KLF12: variants seen among roughly 807,000 people sequenced by gnomAD.
The protein encoded by KLF12 is Krueppel-like factor 12.
In KLF12, 9 loss-of-function variants were observed where a neutral mutation model predicts 37.8. That is an observed-to-expected ratio of 0.24 (90% confidence interval 0.14 to 0.42). KLF12 has a LOEUF of 0.42. KLF12 is among the 10% of genes least tolerant of loss of function. The pLI is 1.00. For missense variants in KLF12, 411 were observed against 516.0 expected, an observed-to-expected ratio of 0.80 and a Z score of 1.97; for synonymous variants, 208 against 202.1, an observed-to-expected ratio of 1.03 and a Z score of -0.25.
At chr13:74,223,056 C>G in the KLF12 span, among the ~76,000 whole-genome samples, 1 of 152,196 alleles carries the variant, frequency 6.6e-6, no homozygotes, top group African/African-American at 2.4e-5. Flanking sequence ...AAAATAAGCA[C>G]ATAATACCCT....
chr13:74,235,932 TA>T, the KLF12 span, among the ~76,000 whole-genome samples: 26 of 106,114 alleles, frequency 2.5e-4, no homozygotes, highest in African/African-American at 6.1e-4. Context: ...TTTTTTAGTT[TA>T]TTTTTTTTAT....
At chr13:74,079,198 C>A (rs1021626435) in intron 1 of KLF12, among the ~76,000 whole-genome samples, 1 of 128,820 alleles carries the variant, frequency 7.8e-6, no homozygotes, top group Non-Finnish European at 1.7e-5. Context: ...TTCGTAGAGA[C>A]ACAAAATAGA....
chr13:74,250,902 A>G, the KLF12 span, among the ~76,000 whole-genome samples: 1 of 152,238 alleles, frequency 6.6e-6, no homozygotes, highest in Non-Finnish European at 1.5e-5. Flanking sequence ...ATAATTAATG[A>G]AAAGTGTTGC....
the KLF12 span, among the ~76,000 whole-genome samples, chr13:74,209,557 C>CAG: frequency 2.8e-5 from 4 of 143,710 alleles, no homozygotes; most frequent in Non-Finnish European, 6.2e-5. Flanking sequence ...CACACACACA[C>CAG]AGACAATTAA....
chr13:73,950,850 A>T (rs985847707), intron 2 of KLF12, among the ~76,000 whole-genome samples: 1 of 152,224 alleles, frequency 6.6e-6, no homozygotes, highest in African/African-American at 2.4e-5. Context: ...AGCCAGAAAC[A>T]AGATCCTTTC....
intron 3 of KLF12, among the ~76,000 whole-genome samples, chr13:73,935,872 C>G (rs886386154): frequency 1.3e-5 from 2 of 152,146 alleles, no homozygotes; most frequent in Non-Finnish European, 2.9e-5. Flanking sequence ...AAGTGATCCA[C>G]CTCCCTTGGG....
At chr13:73,960,096 G>A (rs1397692216) in intron 2 of KLF12, among the ~76,000 whole-genome samples, 3 of 151,948 alleles carry the variant, frequency 2.0e-5, no homozygotes, top group South Asian at 2.1e-4. Flanking sequence ...CTGAACAATC[G>A]ACCTGCTTCC....
chr13:74,159,063 C>A, the KLF12 span, among the ~76,000 whole-genome samples: 1 of 152,178 alleles, frequency 6.6e-6, no homozygotes, highest in Admixed American at 6.5e-5. Context: ...CAGGCATGAT[C>A]TTCCTACACC....
intron 3 of KLF12, among the ~76,000 whole-genome samples, chr13:73,859,297 TA>T (rs1885789292): frequency 6.6e-6 from 1 of 152,150 alleles, no homozygotes. Flanking sequence ...TTTTCCTCTC[TA>T]GTTTTACAAG....
intron 3 of KLF12, among the ~76,000 whole-genome samples, chr13:73,935,454 G>C (rs1039176805): frequency 6.6e-6 from 1 of 152,016 alleles, no homozygotes; most frequent in Admixed American, 6.6e-5. Context: ...TCCAATGTTA[G>C]AGGTGGGCCT....
chr13:74,157,325 A>C, the KLF12 span, among the ~76,000 whole-genome samples: 1 of 152,224 alleles, frequency 6.6e-6, no homozygotes, highest in African/African-American at 2.4e-5. Flanking sequence ...TAAATGGTCA[A>C]ACACTGGTTT....
the KLF12 span, among the ~76,000 whole-genome samples, chr13:74,224,040 T>C: frequency 0.032 from 4,944 of 152,282 alleles, 119 homozygotes; most frequent in Middle Eastern, 0.071. Flanking sequence ...TCCTATTGTG[T>C]ATTTCCCCTA....
At chr13:73,979,689 T>A (rs1341702076) in intron 2 of KLF12, among the ~76,000 whole-genome samples, 2 of 152,068 alleles carry the variant, frequency 1.3e-5, no homozygotes, top group Non-Finnish European at 2.9e-5. Flanking sequence ...AGGGGAGACA[T>A]AAGTACAGAT....
chr13:74,030,681 G>C (rs1893091042), intron 1 of KLF12, among the ~76,000 whole-genome samples: 1 of 152,032 alleles, frequency 6.6e-6, no homozygotes, highest in African/African-American at 2.4e-5. Context: ...AAACAATAAA[G>C]GATGCATTTA....
intron 3 of KLF12, among the ~76,000 whole-genome samples, chr13:73,914,228 C>G (rs140867611): frequency 6.6e-6 from 1 of 152,286 alleles, no homozygotes; most frequent in Non-Finnish European, 1.5e-5. Flanking sequence ...CTCTGGCACC[C>G]GGGTTTACCA....
At chr13:74,170,590 A>G in the KLF12 span, among the ~76,000 whole-genome samples, 1 of 152,112 alleles carries the variant, frequency 6.6e-6, no homozygotes, top group Non-Finnish European at 1.5e-5. Flanking sequence ...CATTATATCA[A>G]TCTTTGTAGT....
At chr13:73,729,671 G>T (rs1380401554) in intron 6 of KLF12, among the ~76,000 whole-genome samples, 1 of 152,192 alleles carries the variant, frequency 6.6e-6, no homozygotes, top group African/African-American at 2.4e-5. Context: ...TATATGCACT[G>T]TTGGTTTTTT....
rs190523236 is a variant in KLF12, at chr13:73,913,100, T to C, written c.123+30881A>G. ...GTATCTGTCTTCCCCACTAGAACAC[T>C]AGCTCCTGAGGCACAGTGTTTCTGT... On this transcript the variant is annotated intron_variant, in intron 3 of 7. Coordinates refer to ENST00000377669, the MANE Select transcript of KLF12 (RefSeq NM_007249.5). 1.2e-3 allele frequency among the ~76,000 whole-genome samples: 184 copies of C among 152,310 alleles called. 1 individual carries two copies. The South Asian group carries it at 0.017, about 14-fold the overall frequency.
the KLF12 span, among the ~76,000 whole-genome samples, chr13:74,247,979 CTGG>C: frequency 1.3e-5 from 2 of 152,300 alleles, no homozygotes; most frequent in South Asian, 4.1e-4. Context: ...CATTGTGGCG[CTGG>C]ATGCCTTAAG....
Sources: allele counts gnomAD v4.1 joint callset (sites outside exome capture counted in the v4.1 genomes callset), GRCh38; gene constraint gnomAD v4.1.1; transcripts MANE v1.5; gene names NCBI Gene and HGNC (gene_info 2026-07-23, HGNC 2026-07-21).